Variants in SORCS1 observed in about 807,000 individuals in gnomAD.
The protein encoded by SORCS1 is VPS10 domain-containing receptor SorCS1.
A neutral mutation model predicts 146.1 loss-of-function variants in SORCS1; 60 were observed. The observed-to-expected ratio is 0.41, with a 90% confidence interval of 0.33 to 0.51. The LOEUF (loss-of-function observed/expected upper bound fraction) is 0.51. SORCS1 is among the 20% of genes least tolerant of loss of function. The pLI, the probability that SORCS1 is intolerant of heterozygous loss-of-function variation, is 0.21. For missense variants in SORCS1, 1,352 were observed against 1,487.6 expected (o/e 0.91, Z 1.50); for synonymous variants, 637 against 584.0 (o/e 1.09, Z -1.31).
intron 8 of SORCS1, among the ~76,000 whole-genome samples, chr10:106,702,151 G>A (rs1336250977): frequency 6.6e-6 from 1 of 152,188 alleles, no homozygotes; most frequent in African/African-American, 2.4e-5. Flanking sequence ...CTTGTCTGTG[G>A]AAATTAGCTC....
intron 18 of SORCS1, among the ~76,000 whole-genome samples, chr10:106,642,793 C>T (rs1849160188): frequency 6.6e-6 from 1 of 152,120 alleles, no homozygotes; most frequent in Non-Finnish European, 1.5e-5. Flanking sequence ...GAGGGGGAAC[C>T]CAGAGAGGAT....
At chr10:107,143,948 A>G (rs1468344896) in intron 1 of SORCS1, among the ~76,000 whole-genome samples, 1 of 151,806 alleles carries the variant, frequency 6.6e-6, no homozygotes, top group South Asian at 2.1e-4. Context: ...CTTTCAATCT[A>G]GTTTGCAAGG....
At chr10:106,790,982 A>C (rs1032201407) in intron 3 of SORCS1, among the ~76,000 whole-genome samples, 1 of 152,248 alleles carries the variant, frequency 6.6e-6, no homozygotes, top group Non-Finnish European at 1.5e-5. Flanking sequence ...TCACTTAAGC[A>C]TCACTATGCA....
intron 1 of SORCS1, among the ~76,000 whole-genome samples, chr10:107,116,777 C>A (rs890401901): frequency 6.6e-6 from 1 of 152,042 alleles, no homozygotes; most frequent in African/African-American, 2.4e-5. Flanking sequence ...AATCATTACA[C>A]AAAGTATACA....
intron 18 of SORCS1, among the ~76,000 whole-genome samples, chr10:106,631,829 C>T (rs1458723917): frequency 6.6e-6 from 1 of 152,194 alleles, no homozygotes; most frequent in Admixed American, 6.5e-5. Flanking sequence ...TCATCACTTC[C>T]ATTTTGTTGT....
At chr10:106,726,359 C>CAAAAAAAAAAAA (rs60801871) in intron 6 of SORCS1, among the ~76,000 whole-genome samples, 1 of 43,582 alleles carries the variant, frequency 2.3e-5, no homozygotes, top group Non-Finnish European at 3.8e-5. Flanking sequence ...GCTGCCTTCG[C>CAAAAAAAAAAAA]AAAAAAAAAA....
Position 106,703,813 on chromosome 10 carries a change from G to A in SORCS1, c.1233+2732C>T, listed in dbSNP as rs151277261. On this transcript the variant is annotated intron_variant, in intron 8 of 25. Transcript: ENST00000263054. The stretch of plus-strand genomic sequence containing the variant: ...GGGTTTCTTTTTGAAGGTATAATGG[G>A]ATTGTAATAAAGAATCTCATTGCCT... 5.3e-3 allele frequency among the ~76,000 whole-genome samples: 800 copies of A among 152,264 alleles called. 7 individuals carry two copies. Among genetic ancestry groups the A allele is most frequent in the African/African-American group, 0.019 (783 of 41,546 alleles).
Position 106,913,654 on chromosome 10 carries a change from G to A in SORCS1, c.626+42859C>T, listed in dbSNP as rs181969065. On this transcript the variant is annotated intron_variant, in intron 2 of 25. Coordinates refer to ENST00000263054, the MANE Select transcript of SORCS1 (RefSeq NM_052918.5). ...CAAGCCAATTATTGCTTCAACTCCT[G>A]CTGAGCTTTTCAGTAGAACTTTAAC... Among the ~76,000 whole-genome samples, 95 of 152,202 alleles carry A rather than the reference G, an allele frequency of 6.2e-4. 3 individuals are homozygous for A. Among genetic ancestry groups the A allele is most frequent in the Non-Finnish European group, 2.5e-4 (17 of 68,030 alleles).
chr10:106,626,019 A>G (rs1481542896), intron 19 of SORCS1, among the ~76,000 whole-genome samples: 1 of 152,150 alleles, frequency 6.6e-6, no homozygotes, highest in Non-Finnish European at 1.5e-5. Context: ...GCCCAGCAAG[A>G]CCGGCCCACT....
At chr10:107,043,085 T>TA (rs956581954) in intron 1 of SORCS1, among the ~76,000 whole-genome samples, 1 of 152,132 alleles carries the variant, frequency 6.6e-6, no homozygotes, top group Non-Finnish European at 1.5e-5. Flanking sequence ...ACTATTAAGC[T>TA]AAAAAAATTT....
chr10:106,746,139 C>A (rs903075387), intron 5 of SORCS1, among the ~76,000 whole-genome samples: 1 of 151,818 alleles, frequency 6.6e-6, no homozygotes, highest in Admixed American at 6.6e-5. Flanking sequence ...TGGATTGTAC[C>A]CTGGGTCAGG....
chr10:107,124,953 C>CTTTTTTTTTTT (rs577523339), intron 1 of SORCS1, among the ~76,000 whole-genome samples: 13 of 121,610 alleles, frequency 1.1e-4, no homozygotes, highest in East Asian at 2.2e-4. Flanking sequence ...TTTTCTTTTT[C>CTTTTTTTTTTT]TTTTTTTTTT....
At chr10:106,815,529 G>A (rs1947695615) in intron 3 of SORCS1, among the ~76,000 whole-genome samples, 2 of 152,064 alleles carry the variant, frequency 1.3e-5, no homozygotes, top group Admixed American at 1.3e-4. Context: ...TAATCTTCTG[G>A]GCTTTATCAA....
chr10:106,912,108 G>C (rs1484316202), intron 2 of SORCS1, among the ~76,000 whole-genome samples: 3 of 116,384 alleles, frequency 2.6e-5, no homozygotes, highest in Non-Finnish European at 5.2e-5. Flanking sequence ...TTGAGCCTCC[G>C]TCTCAAAAAA....
At chr10:106,706,746 A>G in intron 7 of SORCS1, 112 bp from the exon 8 acceptor site, 2 of 928,068 alleles carry the variant, frequency 2.2e-6, no homozygotes, top group Admixed American at 2.0e-5. Context: ...AATGGCATTA[A>G]TGTCTATTGC....
At position 106,620,476 on chromosome 10, in the gene SORCS1, G is replaced by A. The variant is rs973271329; in HGVS notation, c.2748C>T (p.Ser916=). 1 of 1,614,040 alleles carries A rather than the reference G, an allele frequency of 6.2e-7. No individual in the cohort carries two copies. Among genetic ancestry groups the A allele is most frequent in the African/African-American group, 1.3e-5 (1 of 75,072 alleles). ...EVNATAVLWP[S]QVGTLTYVWW... ...ACACGTAAGTGAGGGTGCCCACTTG[G>A]CTGGGCCACAGCACTGCCGTCGCAT... Residue 916 remains serine (S), a synonymous_variant, in exon 20 of 26, where the codon AGC becomes AGT. Transcript: ENST00000263054.
At chr10:106,837,848 T>C (rs1300535550) in intron 2 of SORCS1, among the ~76,000 whole-genome samples, 1 of 152,078 alleles carries the variant, frequency 6.6e-6, no homozygotes, top group Non-Finnish European at 1.5e-5. Flanking sequence ...ACAATGCTCA[T>C]GTTGTATGAA....
At position 106,694,071 on chromosome 10, in the gene SORCS1, G is replaced by A. The variant is rs116971834; in HGVS notation, c.1413+5143C>T. 2.4e-4 allele frequency among the ~76,000 whole-genome samples: 36 copies of A among 152,214 alleles called. 1 individual carries two copies. The East Asian group carries it at 6.2e-3, about 26-fold the overall frequency. Reference sequence around the variant, plus strand: ...ACAATTTCTTTGGGCTTTGTGGATGGGATATTTTTCTCGAGAGGACAACAG... The same window carrying A: ...ACAATTTCTTTGGGCTTTGTGGATGAGATATTTTTCTCGAGAGGACAACAG... On this transcript the variant is annotated intron_variant, in intron 9 of 25. Transcript: ENST00000263054.
At chr10:106,983,748 G>A (rs1204923732) in intron 1 of SORCS1, among the ~76,000 whole-genome samples, 1 of 152,126 alleles carries the variant, frequency 6.6e-6, no homozygotes, top group Non-Finnish European at 1.5e-5. Flanking sequence ...TGCCATCTCT[G>A]TGTCTGATTT....
Sources: allele counts gnomAD v4.1 joint callset (sites outside exome capture counted in the v4.1 genomes callset), GRCh38; gene constraint gnomAD v4.1.1; transcripts MANE v1.5; gene names NCBI Gene and HGNC (gene_info 2026-07-23, HGNC 2026-07-21).